The following CDH18 variants were observed in gnomAD, a reference collection of about 807,000 sequenced individuals.
CDH18 encodes cadherin-18.
In CDH18, 31 loss-of-function variants were observed where a neutral mutation model predicts 67.9. The observed-to-expected ratio is 0.46, with a 90% CI of 0.34 to 0.62. CDH18 has a LOEUF of 0.62. Ranked by LOEUF, CDH18 falls within the 20% of genes least tolerant of loss-of-function variation. The probability of loss-of-function intolerance (pLI) is 0.01; values close to 1 mark genes in which losing one functional copy is unlikely to be tolerated. For missense variants in CDH18, 890 were observed against 975.5 expected (o/e 0.91, Z 1.17); for synonymous variants, 362 against 347.2 (o/e 1.04, Z -0.48).
At chr5:19,727,343 A>G (rs1004369646) in intron 4 of CDH18, among the ~76,000 whole-genome samples, 1 of 152,200 alleles carries the variant, frequency 6.6e-6, no homozygotes, top group African/African-American at 2.4e-5. Context: ...CCTTATAAAA[A>G]TGAAAAATGT....
At chr5:20,338,286 A>G (rs181651407) in intron 1 of CDH18, among the ~76,000 whole-genome samples, 3 of 152,334 alleles carry the variant, frequency 2.0e-5, no homozygotes, top group Admixed American at 1.3e-4. Flanking sequence ...CATTGTAGAG[A>G]CAGCCTATCA....
chr5:20,496,014 G>C (rs945074512), intron 1 of CDH18, among the ~76,000 whole-genome samples: 16 of 152,022 alleles, frequency 1.1e-4, no homozygotes, highest in African/African-American at 3.9e-4. Context: ...AAACAAAAGA[G>C]ATCCAAGTGT....
chr5:19,802,494 T>C (rs1374316305), intron 3 of CDH18, among the ~76,000 whole-genome samples: 4 of 152,176 alleles, frequency 2.6e-5, no homozygotes, highest in Non-Finnish European at 5.9e-5. Context: ...TATATCTTGA[T>C]GGCATAACAG....
At chr5:20,457,577 G>A (rs1485337244) in intron 1 of CDH18, among the ~76,000 whole-genome samples, 2 of 152,034 alleles carry the variant, frequency 1.3e-5, no homozygotes, top group Admixed American at 6.6e-5. Flanking sequence ...TTCTTTTTCC[G>A]AGAAGAGGTG....
intron 2 of CDH18, among the ~76,000 whole-genome samples, chr5:20,247,602 A>G (rs563680251): frequency 2.6e-5 from 4 of 152,114 alleles, no homozygotes; most frequent in South Asian, 4.2e-4. Context: ...CGTCTCTATT[A>G]AAAACAGAAA....
intron 2 of CDH18, among the ~76,000 whole-genome samples, chr5:20,180,736 T>G (rs750099177): frequency 6.6e-5 from 10 of 152,116 alleles, no homozygotes; most frequent in Non-Finnish European, 1.5e-4. Flanking sequence ...CAGAAGGCAG[T>G]GACCCCCCTG....
chr5:19,525,856 C>T (rs1747680356), intron 9 of CDH18, among the ~76,000 whole-genome samples: 1 of 152,126 alleles, frequency 6.6e-6, no homozygotes, highest in Non-Finnish European at 1.5e-5. Flanking sequence ...GATTTACAAG[C>T]ATTTTGCTAA....
chr5:19,544,971 C>G (rs943359593), intron 8 of CDH18, among the ~76,000 whole-genome samples: 8 of 152,172 alleles, frequency 5.3e-5, no homozygotes, highest in Non-Finnish European at 8.8e-5. Context: ...TGTAGTTAGA[C>G]ACAGCTTTTT....
chr5:19,819,202 T>A (rs2149935818), intron 3 of CDH18, among the ~76,000 whole-genome samples: 1 of 152,152 alleles, frequency 6.6e-6, no homozygotes, highest in Admixed American at 6.5e-5. Flanking sequence ...TCAACAGAAT[T>A]AATTATATCA....
At chr5:20,200,755 C>T (rs539852871) in intron 2 of CDH18, among the ~76,000 whole-genome samples, 1 of 152,014 alleles carries the variant, frequency 6.6e-6, no homozygotes, top group South Asian at 2.1e-4. Flanking sequence ...GATAAAAGTT[C>T]CTTTTGTGAC....
At chr5:19,966,075 G>A (rs942734331) in intron 2 of CDH18, among the ~76,000 whole-genome samples, 4 of 152,080 alleles carry the variant, frequency 2.6e-5, no homozygotes, top group Admixed American at 6.6e-5. Context: ...TTTGAACTTC[G>A]TACTATACAC....
intron 8 of CDH18, among the ~76,000 whole-genome samples, chr5:19,550,202 G>A (rs1737157372): frequency 6.6e-6 from 1 of 152,144 alleles, no homozygotes; most frequent in East Asian, 1.9e-4. Context: ...CCACACATCA[G>A]CATTCCAGTA....
chr5:20,298,723 T>A (rs1747729191), intron 1 of CDH18, among the ~76,000 whole-genome samples: 1 of 152,054 alleles, frequency 6.6e-6, no homozygotes, highest in African/African-American at 2.4e-5. Flanking sequence ...GAAACATATG[T>A]CCTAAACTCT....
At chr5:20,149,659 A>C (rs1175380452) in intron 2 of CDH18, among the ~76,000 whole-genome samples, 1 of 152,154 alleles carries the variant, frequency 6.6e-6, no homozygotes. Flanking sequence ...GTACTTGGTC[A>C]TGCAGACACA....
In CDH18 at chr5:19,808,396, G is replaced by C. The variant is rs933536344; in HGVS notation, c.228+30363C>G. Among the ~76,000 whole-genome samples the C allele has an allele frequency of 2.0e-5, 3 of 151,798 alleles. No homozygotes were observed. The East Asian group carries it at 5.8e-4, about 29-fold the overall frequency. On this transcript the variant is annotated intron_variant, in intron 3 of 12. Transcript: ENST00000382275. ...CTTTTAAATTAAATGTCTTTGTTAT[G>C]TGAGGTCCAGTGCAATTAAATGTTC...
intron 2 of CDH18, among the ~76,000 whole-genome samples, chr5:20,044,042 C>A (rs912039716): frequency 2.6e-5 from 4 of 152,132 alleles, no homozygotes; most frequent in Non-Finnish European, 1.5e-5. Flanking sequence ...CAAACAGACT[C>A]ATTTCCTGTA....
intron 1 of CDH18, among the ~76,000 whole-genome samples, chr5:20,445,876 C>A (rs570990199): frequency 6.6e-6 from 1 of 152,106 alleles, no homozygotes; most frequent in Non-Finnish European, 1.5e-5. Flanking sequence ...CATAGTAATA[C>A]ACTCTCAGAG....
intron 2 of CDH18, among the ~76,000 whole-genome samples, chr5:20,146,501 G>A (rs951761236): frequency 6.6e-6 from 1 of 151,628 alleles, no homozygotes; most frequent in African/African-American, 2.4e-5. Context: ...TTATCTTTAT[G>A]TATATCATTA....
chr5:19,754,625 G>T (rs1199341198), intron 3 of CDH18, among the ~76,000 whole-genome samples: 5 of 152,032 alleles, frequency 3.3e-5, no homozygotes, highest in Non-Finnish European at 5.9e-5. Flanking sequence ...AAGCCAACAA[G>T]GAAACTGGAT....
Sources: gnomAD v4.1 joint callset for allele counts (sites outside exome capture counted in the v4.1 genomes callset) on GRCh38, gnomAD v4.1.1 for gene constraint, MANE v1.5 for transcripts, NCBI Gene and HGNC (gene_info 2026-07-23, HGNC 2026-07-21) for gene names.